AKAP12: variants seen among roughly 807,000 people sequenced by gnomAD.
AKAP12 encodes the protein A-kinase anchoring protein 12, also known as A-kinase anchor protein 12.
Under a neutral mutation model 79.9 loss-of-function variants are expected in AKAP12, and 32 were observed. The observed-to-expected ratio is 0.40, with a 90% CI of 0.30 to 0.54. The LOEUF (loss-of-function observed/expected upper bound fraction) is 0.54, where lower values mean the gene tolerates loss of function less well. AKAP12 is among the 20% of genes least tolerant of loss of function. The probability of loss-of-function intolerance (pLI) is 0.48; values close to 1 mark genes in which losing one functional copy is unlikely to be tolerated. For synonymous variants in AKAP12, 808 were observed against 857.0 expected (o/e 0.94, Z 1.00); for missense variants, 2,074 against 2,177.0 (o/e 0.95, Z 0.94).
chr6:151,294,990 TC>T (rs766910560), intron 2 of AKAP12, among the ~76,000 whole-genome samples: 23 of 152,274 alleles, frequency 1.5e-4, no homozygotes, highest in Non-Finnish European at 2.6e-4. Context: ...TCTAAGTAAA[TC>T]TGCTTAACTC....
intron 2 of AKAP12, among the ~76,000 whole-genome samples, chr6:151,286,723 C>T (rs1413787208): frequency 6.6e-6 from 1 of 152,198 alleles, no homozygotes; most frequent in African/African-American, 2.4e-5. Context: ...ACTTTGTACT[C>T]TGTCTTTCCA....
rs149179568 is a variant in AKAP12 at position 151,306,054 on chromosome 6, A to G, written c.319+151A>G. The G allele has an allele frequency of 2.6e-5, 21 of 800,862 alleles. No individual in the cohort carries two copies. The East Asian group carries it at 5.9e-4, about 23-fold the overall frequency. 49.6% of individuals were successfully genotyped at this position (800,862 alleles called of 1,614,324 possible). ...TACAAAAGGAAGTATTTATCTGACC[A>G]TTTGGATACCCCCTATACTTAGACC... is the stretch of plus-strand genomic sequence containing the variant. On this transcript the variant is annotated intron_variant, in intron 3 of 4. Transcript: ENST00000402676.
intron 2 of AKAP12, among the ~76,000 whole-genome samples, chr6:151,273,977 C>T (rs938676843): frequency 8.0e-5 from 12 of 150,844 alleles, no homozygotes; most frequent in Non-Finnish European, 1.5e-4. Flanking sequence ...TGCAGTGAGC[C>T]GAGATTGCAC....
intron 3 of AKAP12, among the ~76,000 whole-genome samples, chr6:151,337,371 C>T (rs1041424332): frequency 1.3e-5 from 2 of 151,578 alleles, no homozygotes; most frequent in Admixed American, 6.6e-5. Context: ...AAAAATTAGC[C>T]GGGCGTCGCG....
rs778157930 is a variant in AKAP12, at chr6:151,352,386, CCGTGGAGAG to C, written c.3996_4004del (p.Val1333_Arg1335del). On this transcript the variant is annotated inframe_deletion, in exon 4 of 5. Coordinates refer to ENST00000402676, the MANE Select transcript of AKAP12 (RefSeq NM_005100.4). ...AGTCACGCTAAGTCTCCTCCATCCC[CCGTGGAGAG>C]AGAGATGGTAGTTCAAGTCGAAAGG... 2 of 1,614,132 alleles carry C rather than the reference CCGTGGAGAG, an allele frequency of 1.2e-6. 1 individual carries two copies. The highest frequency in any genetic ancestry group is 1.7e-6 in the Non-Finnish European group (2 of 1,180,024).
intron 3 of AKAP12, among the ~76,000 whole-genome samples, chr6:151,346,879 A>G (rs114154460): frequency 0.013 from 1,977 of 152,298 alleles, 38 homozygotes; most frequent in African/African-American, 0.045. Context: ...AGTTATATCT[A>G]TATTTATTGA....
chr6:151,241,241 G>A (rs1033727277), intron 2 of AKAP12, among the ~76,000 whole-genome samples: 6 of 152,336 alleles, frequency 3.9e-5, no homozygotes, highest in Admixed American at 1.3e-4. Flanking sequence ...TGGAGCGAGC[G>A]GGTTTGGTAC....
At chr6:151,249,228 A>G (rs1041015936) in intron 2 of AKAP12, among the ~76,000 whole-genome samples, 2 of 152,228 alleles carry the variant, frequency 1.3e-5, no homozygotes, top group Non-Finnish European at 2.9e-5. Flanking sequence ...GACTGGTCCA[A>G]AAATCTGTAA....
At chr6:151,253,897 C>T (rs142859073) in intron 2 of AKAP12, among the ~76,000 whole-genome samples, 6,531 of 151,522 alleles carry the variant, frequency 0.043, 474 homozygotes, top group African/African-American at 0.15. Flanking sequence ...TTAGTAGAGA[C>T]GGGGTTTTAC....
At chr6:151,354,581 G>T (rs1778397771) in intron 4 of AKAP12, among the ~76,000 whole-genome samples, 1 of 149,014 alleles carries the variant, frequency 6.7e-6, no homozygotes, top group South Asian at 2.3e-4. Flanking sequence ...CACCGTGTTA[G>T]CCAGGAGGTC....
At chr6:151,248,799 C>A (rs1015040646) in intron 2 of AKAP12, among the ~76,000 whole-genome samples, 1 of 152,068 alleles carries the variant, frequency 6.6e-6, no homozygotes, top group Non-Finnish European at 1.5e-5. Context: ...ACCAGCCTGG[C>A]CAACATGGTG....
At chr6:151,334,140 G>A (rs1777750768) in intron 3 of AKAP12, among the ~76,000 whole-genome samples, 1 of 152,062 alleles carries the variant, frequency 6.6e-6, no homozygotes, top group Admixed American at 6.6e-5. Flanking sequence ...ACAGAAAAGG[G>A]ATCTGCATCT....
In AKAP12 at chr6:151,353,063, G is replaced by A. The variant is rs192628192; in HGVS notation, c.4672G>A (p.Val1558Ile). The change falls in exon 4 of 5, where the codon GTT becomes ATT. Residue 1558 changes from valine to isoleucine, a missense_variant. By Grantham distance (29) the Val-to-Ile change is conservative. Coordinates refer to ENST00000402676, the MANE Select transcript of AKAP12 (RefSeq NM_005100.4). ...KLVQNIIQTA[V>I]DQFVRTEETA... ...TGTCCAAAACATCATCCAGACAGCC[G>A]TTGACCAGTTTGTACGTACAGAAGA... The A allele has an allele frequency of 4.4e-5, 71 of 1,614,170 alleles. No homozygotes were observed. The African/African-American group carries it at 6.4e-4, about 15-fold the overall frequency.
chr6:151,350,337 C>T lies in AKAP12; in HGVS notation c.1946C>T (p.Thr649Ile), dbSNP rs1375819490. The part of the protein sequence containing the change: ...KSATLSSTES[T>I]ASEMQEEMKG... Reference sequence around the variant, plus strand: ...GCTACCTTGTCTTCCACCGAGAGCACAGCCTCTGAAATGCAAGAAGAAATG... The same window carrying T: ...GCTACCTTGTCTTCCACCGAGAGCATAGCCTCTGAAATGCAAGAAGAAATG... Residue 649 changes from threonine (T) to isoleucine (I), a missense_variant, in exon 4 of 5, where the codon ACA (threonine) becomes ATA (isoleucine). Physicochemically the swap from Thr to Ile is moderately conservative, Grantham distance 89 (BLOSUM62 -1). This residue lies in a region of AKAP12 where 1,428 missense variants were observed against 1,451.0 expected (regional missense o/e 0.98). Coordinates refer to ENST00000402676, the MANE Select transcript of AKAP12 (RefSeq NM_005100.4). The surrounding 1 kb of genome is among the most constrained non-coding windows in gnomAD (Gnocchi z 4.8). 2.5e-6 allele frequency: 4 copies of T among 1,613,888 alleles called. No individual in the cohort carries two copies. The highest frequency in any genetic ancestry group is 3.4e-6 in the Non-Finnish European group (4 of 1,180,010).
intron 3 of AKAP12, among the ~76,000 whole-genome samples, chr6:151,335,214 A>T (rs1275372675): frequency 6.6e-6 from 1 of 152,224 alleles, no homozygotes; most frequent in Admixed American, 6.5e-5. Context: ...TGTTGTACTT[A>T]TGAAAAATTT....
chr6:151,324,915 G>T (rs1187211833), intron 3 of AKAP12: 7 of 985,330 alleles, frequency 7.1e-6, no homozygotes, highest in Non-Finnish European at 8.4e-6. Flanking sequence ...TGATTTCCGA[G>T]TTGTGTGCTT....
chr6:151,290,577 C>G (rs1776596111), intron 2 of AKAP12, among the ~76,000 whole-genome samples: 1 of 152,100 alleles, frequency 6.6e-6, no homozygotes, highest in African/African-American at 2.4e-5. Context: ...TCCCATCCCC[C>G]TCACTGATGG....
chr6:151,353,843 T>C, intron 4 of AKAP12, 91 bp downstream of exon 4: 1 of 813,844 alleles, frequency 1.2e-6, no homozygotes, highest in Non-Finnish European at 1.9e-6. Flanking sequence ...AAATAATTAA[T>C]GCCTTCGTGT....
chr6:151,336,076 T>C (rs185988357), intron 3 of AKAP12, among the ~76,000 whole-genome samples: 29 of 152,352 alleles, frequency 1.9e-4, no homozygotes, highest in Admixed American at 1.6e-3. Context: ...GATCCTTCCA[T>C]GTTGCTGCAA....
Sources: allele counts gnomAD v4.1 joint callset (sites outside exome capture counted in the v4.1 genomes callset), GRCh38; gene constraint gnomAD v4.1.1; regional missense constraint gnomAD v4.1.1; non-coding constraint Gnocchi (gnomAD v3.1); transcripts MANE v1.5; gene names NCBI Gene and HGNC (gene_info 2026-07-23, HGNC 2026-07-21).